The following EVI5 variants were observed in gnomAD, a reference collection of about 807,000 sequenced individuals.
The protein encoded by EVI5 is ecotropic viral integration site 5 protein homolog.
EVI5 carries 73 observed loss-of-function variants against 112.0 expected under a neutral mutation model. The observed-to-expected ratio is 0.65, with a 90% CI of 0.54 to 0.79. EVI5 has a LOEUF of 0.79. Ranked by LOEUF, EVI5 falls within the 30% of genes least tolerant of loss-of-function variation. EVI5 has a pLI of 0.00. For missense variants in EVI5, 900 were observed against 968.8 expected, an observed-to-expected ratio of 0.93 and a Z score of 0.94; for synonymous variants, 305 against 319.9, an observed-to-expected ratio of 0.95 and a Z score of 0.50.
At chr1:92,620,099 C>A (rs1334695966) in intron 16 of EVI5, among the ~76,000 whole-genome samples, 1 of 152,036 alleles carries the variant, frequency 6.6e-6, no homozygotes, top group Admixed American at 6.6e-5. Flanking sequence ...AATCCTAGAA[C>A]TTTGGGAGGC....
intron 18 of EVI5, among the ~76,000 whole-genome samples, chr1:92,589,863 C>T (rs1490903027): frequency 1.3e-5 from 2 of 151,970 alleles, no homozygotes; most frequent in African/African-American, 2.4e-5. Context: ...AGAGGCACCC[C>T]CCCGTATGGG....
chr1:92,692,555 A>C lies in EVI5; in HGVS notation c.1097+1247T>G, dbSNP rs185744853. On this transcript the variant is annotated intron_variant, in intron 9 of 19. Coordinates refer to ENST00000684568, the MANE Select transcript of EVI5 (RefSeq NM_001350197.2). The stretch of plus-strand genomic sequence containing the variant: ...GGCTTGCTTTTGTCAATTAGAGCTA[A>C]CTTTTTAATTTTTTTAAAAGAGATA... Among the ~76,000 whole-genome samples, 89 of 152,310 alleles carry C rather than the reference A, an allele frequency of 5.8e-4. No homozygotes were observed. In the East Asian group the frequency reaches 0.014, roughly 25 times the overall value.
chr1:92,594,977 C>G (rs538258600), intron 18 of EVI5, among the ~76,000 whole-genome samples: 2 of 152,302 alleles, frequency 1.3e-5, no homozygotes, highest in African/African-American at 4.8e-5. Context: ...GGACTGTAAA[C>G]TAGTTCAACC....
intron 9 of EVI5, among the ~76,000 whole-genome samples, chr1:92,677,681 T>C (rs1016511849): frequency 6.6e-6 from 1 of 152,214 alleles, no homozygotes; most frequent in African/African-American, 2.4e-5. Context: ...ATAAGGTTAA[T>C]ATAAAAATCA....
At chr1:92,632,075 G>A (rs370253676) in intron 14 of EVI5, among the ~76,000 whole-genome samples, 6 of 152,218 alleles carry the variant, frequency 3.9e-5, no homozygotes, top group Admixed American at 1.3e-4. Flanking sequence ...TGCTGGATTC[G>A]GTTTGCCAGT....
At position 92,624,170 on chromosome 1, in the gene EVI5, T is replaced by C. The variant is rs903772179; in HGVS notation, c.1827+6A>G. On this transcript the variant is annotated splice_donor_region_variant and intron_variant, in intron 16 of 19. Transcript: ENST00000684568. ...TTTTTAAAGATACTGGGCTTTCCCA[T>C]CATACCTGTGTTTCCATTTCCATCA... 3 of 1,611,716 alleles carry C rather than the reference T, an allele frequency of 1.9e-6. No homozygotes were observed. Among genetic ancestry groups the C allele is most frequent in the African/African-American group, 2.7e-5 (2 of 74,808 alleles).
chr1:92,648,421 C>A (rs1661424676), intron 13 of EVI5, among the ~76,000 whole-genome samples: 2 of 151,518 alleles, frequency 1.3e-5, no homozygotes, highest in Admixed American at 1.3e-4. Flanking sequence ...ATAAAGTGAA[C>A]AATTCAGTGT....
At chr1:92,722,447 TAATGC>T (rs1674903821) in intron 2 of EVI5, among the ~76,000 whole-genome samples, 1 of 151,824 alleles carries the variant, frequency 6.6e-6, no homozygotes, top group South Asian at 2.1e-4. Flanking sequence ...GTATATCTCC[TAATGC>T]TATCCTTCCC....
intron 1 of EVI5, 104 bp from the exon 2 acceptor site, chr1:92,736,731 TTC>T: frequency 2.5e-6 from 2 of 816,046 alleles, no homozygotes; most frequent in South Asian, 3.1e-5. Context: ...CATCAGAATA[TTC>T]TCTTTGAGGA....
At chr1:92,688,797 T>TAC (rs1669000428) in intron 9 of EVI5, among the ~76,000 whole-genome samples, 8 of 152,324 alleles carry the variant, frequency 5.3e-5, no homozygotes, top group Admixed American at 5.2e-4. Flanking sequence ...AATAATCTGT[T>TAC]ACATATTTGC....
At chr1:92,575,251 A>C (rs1219900261) in intron 18 of EVI5, among the ~76,000 whole-genome samples, 1 of 152,230 alleles carries the variant, frequency 6.6e-6, no homozygotes, top group Non-Finnish European at 1.5e-5. Flanking sequence ...CTATGTGTAC[A>C]TATGTGTGCA....
intron 18 of EVI5, among the ~76,000 whole-genome samples, chr1:92,565,765 T>G (rs1669340595): frequency 6.6e-6 from 1 of 151,798 alleles, no homozygotes; most frequent in African/African-American, 2.4e-5. Context: ...GGTCAGGAAT[T>G]CAAGACCAGC....
chr1:92,774,220 T>C (rs973657330), intron 1 of EVI5, among the ~76,000 whole-genome samples: 3 of 152,196 alleles, frequency 2.0e-5, no homozygotes, highest in Admixed American at 6.6e-5. Flanking sequence ...CTTTTCACCA[T>C]CAAATTATGC....
At chr1:92,616,933 C>G (rs1653321247) in intron 16 of EVI5, among the ~76,000 whole-genome samples, 1 of 152,214 alleles carries the variant, frequency 6.6e-6, no homozygotes, top group South Asian at 2.1e-4. Flanking sequence ...CAGGCTTGAG[C>G]AGGTCCTGAA....
chr1:92,526,443 T>C (rs1037554200), intron 19 of EVI5, among the ~76,000 whole-genome samples: 1 of 152,180 alleles, frequency 6.6e-6, no homozygotes, highest in African/African-American at 2.4e-5. Context: ...GTGCTTAAAA[T>C]ATGGAGGCAA....
intron 18 of EVI5, among the ~76,000 whole-genome samples, chr1:92,592,078 C>T (rs1249429178): frequency 6.6e-6 from 1 of 152,080 alleles, no homozygotes; most frequent in African/African-American, 2.4e-5. Flanking sequence ...CCCGTCTCTA[C>T]TAAAAATACA....
At chr1:92,741,068 C>T (rs562007571) in intron 1 of EVI5, among the ~76,000 whole-genome samples, 16 of 152,288 alleles carry the variant, frequency 1.1e-4, no homozygotes, top group Admixed American at 5.9e-4. Context: ...ATTTAAATCG[C>T]ACCAGGTACT....
chr1:92,509,934 T>G lies in EVI5; in HGVS notation c.*3722A>C, dbSNP rs558876073. 6.6e-6 allele frequency: 1 copy of G among 152,308 alleles called. No homozygotes were observed. The highest frequency in any genetic ancestry group is 1.9e-4 in the East Asian group (1 of 5,184). The allele number at this position is 152,308 out of a possible 1,614,324, so 9.4% of individuals were successfully genotyped here. On this transcript the variant is annotated 3_prime_UTR_variant, in exon 20 of 20. Coordinates refer to ENST00000684568, the MANE Select transcript of EVI5 (RefSeq NM_001350197.2). ...CAAAATGTCAGTAATTAAATAAAAT[T>G]CATCGAGAACATTGTTCAATGCTTC...
At chr1:92,684,207 G>A (rs1179706294) in intron 9 of EVI5, among the ~76,000 whole-genome samples, 2 of 152,086 alleles carry the variant, frequency 1.3e-5, no homozygotes, top group African/African-American at 4.8e-5. Flanking sequence ...GGATCTCTAG[G>A]CAGAAACCCT....
Sources: gnomAD v4.1 joint callset for allele counts (sites outside exome capture counted in the v4.1 genomes callset) on GRCh38, gnomAD v4.1.1 for gene constraint, MANE v1.5 for transcripts, NCBI Gene and HGNC (gene_info 2026-07-23, HGNC 2026-07-21) for gene names.